Variants in LRMDA observed in about 807,000 individuals in gnomAD.
The protein encoded by LRMDA is leucine rich melanocyte differentiation associated.
Under a neutral mutation model 29.8 loss-of-function variants are expected in LRMDA, and 18 were observed. That is an observed-to-expected ratio of 0.60 (90% CI 0.42 to 0.90). The LOEUF (loss-of-function observed/expected upper bound fraction) is 0.90, where lower values mean the gene tolerates loss of function less well. Ranked by LOEUF, LRMDA falls within the 40% of genes least tolerant of loss-of-function variation. The pLI, the probability that LRMDA is intolerant of heterozygous loss-of-function variation, is 0.00. For missense variants in LRMDA, 273 were observed against 273.9 expected (o/e 1.00, Z 0.02); for synonymous variants, 125 against 109.4 (o/e 1.14, Z -0.89).
At chr10:75,709,638 G>A (rs1363596831) in intron 2 of LRMDA, among the ~76,000 whole-genome samples, 7 of 152,144 alleles carry the variant, frequency 4.6e-5, no homozygotes, top group Admixed American at 4.6e-4. Context: ...CCTTCTCAGT[G>A]GCAGTGCTAA....
chr10:75,962,103 G>A (rs533894024), intron 2 of LRMDA, among the ~76,000 whole-genome samples: 1 of 152,252 alleles, frequency 6.6e-6, no homozygotes, highest in African/African-American at 2.4e-5. Flanking sequence ...ATCTGCAATG[G>A]CCCTAATTTC....
intron 2 of LRMDA, among the ~76,000 whole-genome samples, chr10:75,830,247 G>A (rs899688644): frequency 2.6e-5 from 4 of 152,102 alleles, no homozygotes; most frequent in Admixed American, 1.3e-4. Context: ...TGGTCATTTC[G>A]CATTATTCTG....
chr10:75,689,210 A>G (rs1842116567), intron 2 of LRMDA, among the ~76,000 whole-genome samples: 1 of 152,208 alleles, frequency 6.6e-6, no homozygotes, highest in Admixed American at 6.5e-5. Context: ...ATAGGAAATC[A>G]CTTCTTATTC....
At chr10:75,720,096 C>T (rs1842547731) in intron 2 of LRMDA, among the ~76,000 whole-genome samples, 1 of 152,204 alleles carries the variant, frequency 6.6e-6, no homozygotes, top group Non-Finnish European at 1.5e-5. Flanking sequence ...TACCATACAT[C>T]ATACTCTAAG....
At chr10:75,671,801 C>A (rs559378320) in intron 2 of LRMDA, among the ~76,000 whole-genome samples, 196 of 152,200 alleles carry the variant, frequency 1.3e-3, no homozygotes, top group African/African-American at 4.4e-3. Context: ...ATTAAAAAAA[C>A]CCCTAAGCCC....
At chr10:75,672,354 A>G (rs933124908) in intron 2 of LRMDA, among the ~76,000 whole-genome samples, 2 of 151,802 alleles carry the variant, frequency 1.3e-5, no homozygotes, top group Non-Finnish European at 2.9e-5. Flanking sequence ...GGAAGTGACA[A>G]TAATGACTCA....
intron 2 of LRMDA, among the ~76,000 whole-genome samples, chr10:75,554,503 C>T (rs1412234088): frequency 3.3e-5 from 5 of 152,192 alleles, no homozygotes; most frequent in Non-Finnish European, 5.9e-5. Flanking sequence ...TTTAGCCCCT[C>T]CTCTGTGCTA....
rs893172544 is a variant in LRMDA, at chr10:76,409,057, A to G, written c.601+84572A>G. Among the ~76,000 whole-genome samples, 4 of 152,296 alleles carry G rather than the reference A, an allele frequency of 2.6e-5. No individual in the cohort carries two copies. The South Asian group carries it at 6.2e-4, about 24-fold the overall frequency. On this transcript the variant is annotated intron_variant, in intron 6 of 6. Coordinates refer to ENST00000611255, the MANE Select transcript of LRMDA (RefSeq NM_001305581.2). ...CATCTGGAGACTCCAAGGAGGCCCT[A>G]TGGTTCAGTCTACTTTCTTTCAGTT...
At chr10:75,710,134 C>G (rs1476713646) in intron 2 of LRMDA, among the ~76,000 whole-genome samples, 2 of 152,120 alleles carry the variant, frequency 1.3e-5, no homozygotes, top group Non-Finnish European at 2.9e-5. Flanking sequence ...AGAAGAGAAA[C>G]CGAGGGAGCA....
rs1439162367 is a variant in LRMDA at position 75,514,162 on chromosome 10, CTGTT to C, written c.131+75670_131+75673del. Among the ~76,000 whole-genome samples the C allele has an allele frequency of 5.1e-5, 5 of 98,170 alleles. No homozygotes were observed. The Admixed American group carries it at 7.3e-4, about 14-fold the overall frequency. 64.4% of individuals were successfully genotyped at this position (98,170 alleles called of 152,430 possible). ...AGATTCAAAGGCAGTCCTCCTTTAC[CTGTT>C]TTTTTTTTTTTTTTCCTTTCTTCTT... On this transcript the variant is annotated intron_variant, in intron 2 of 6. Transcript: ENST00000611255.
At chr10:76,329,772 C>T (rs1251517950) in intron 6 of LRMDA, among the ~76,000 whole-genome samples, 2 of 152,062 alleles carry the variant, frequency 1.3e-5, no homozygotes, top group East Asian at 3.9e-4. Flanking sequence ...ATTGATTTTT[C>T]TGTATATCTC....
At chr10:75,458,879 T>A (rs1844551808) in intron 2 of LRMDA, among the ~76,000 whole-genome samples, 2 of 152,202 alleles carry the variant, frequency 1.3e-5, no homozygotes, top group South Asian at 4.1e-4. Context: ...GCGGCTATTT[T>A]TACAACCATA....
chr10:75,562,378 T>C (rs9416069), intron 2 of LRMDA, among the ~76,000 whole-genome samples: 90,586 of 151,330 alleles, frequency 0.6, 30,714 homozygotes, highest in East Asian at 0.85. Flanking sequence ...GTTTTCCATT[T>C]GCTTGGTAGA....
intron 2 of LRMDA, among the ~76,000 whole-genome samples, chr10:76,009,221 C>T (rs920115520): frequency 6.6e-6 from 1 of 152,200 alleles, no homozygotes; most frequent in Non-Finnish European, 1.5e-5. Context: ...GGTGCTCCCA[C>T]TAGCCCCCTC....
intron 5 of LRMDA, among the ~76,000 whole-genome samples, chr10:76,099,203 G>A (rs946995035): frequency 6.6e-6 from 1 of 152,124 alleles, no homozygotes; most frequent in Non-Finnish European, 1.5e-5. Context: ...TTCAAGAAAG[G>A]TCTGTTATTG....
rs78730792 is a variant in LRMDA, at chr10:75,984,633, A to T, written c.132-51375A>T. On this transcript the variant is annotated intron_variant, in intron 2 of 6. Transcript: ENST00000611255. ...AAGGGACCGCATCATCCTACATAAGATCAGCGCATGTCACAGCCAGGCAGA... is the reference window on the plus strand; with the variant it reads ...AAGGGACCGCATCATCCTACATAAGTTCAGCGCATGTCACAGCCAGGCAGA... Among the ~76,000 whole-genome samples, 1,381 of 152,328 alleles carry T rather than the reference A, an allele frequency of 9.1e-3. 28 individuals are homozygous for T. Among genetic ancestry groups the T allele is most frequent in the African/African-American group, 0.029 (1,209 of 41,584 alleles).
Position 76,542,197 on chromosome 10 carries a change from C to T in LRMDA, c.602-15012C>T, listed in dbSNP as rs372637680. On this transcript the variant is annotated intron_variant, in intron 6 of 6. Transcript: ENST00000611255. Reference sequence around the variant, plus strand: ...CCACATCCTGGGCTTTTAGGTGCTGCGGATTATGTATAATAGATGACCTGC... The same window carrying T: ...CCACATCCTGGGCTTTTAGGTGCTGTGGATTATGTATAATAGATGACCTGC... 3.3e-5 allele frequency among the ~76,000 whole-genome samples: 5 copies of T among 152,088 alleles called. 1 individual carries two copies. The highest frequency in any genetic ancestry group is 1.9e-4 in the East Asian group (1 of 5,180).
Position 75,831,676 on chromosome 10 carries a change from T to C in LRMDA, c.132-204332T>C, listed in dbSNP as rs552235449. ...ACATTTCCTGGCCACATTGCCCTAG[T>C]AGAGGTTCTCCATGAGCTCCCCACC... is the stretch of plus-strand genomic sequence containing the variant. On this transcript the variant is annotated intron_variant, in intron 2 of 6. Transcript: ENST00000611255. 3.5e-4 allele frequency among the ~76,000 whole-genome samples: 54 copies of C among 152,308 alleles called. No homozygotes were observed. In the South Asian group the frequency reaches 0.011, roughly 32 times the overall value.
intron 2 of LRMDA, among the ~76,000 whole-genome samples, chr10:75,971,185 C>A (rs1473516866): frequency 1.3e-5 from 2 of 152,178 alleles, no homozygotes; most frequent in Non-Finnish European, 2.9e-5. Flanking sequence ...TCACATTGGT[C>A]TGTTTTCTCC....
Sources: gnomAD v4.1 joint callset for allele counts (sites outside exome capture counted in the v4.1 genomes callset) on GRCh38, gnomAD v4.1.1 for gene constraint, MANE v1.5 for transcripts, NCBI Gene and HGNC (gene_info 2026-07-23, HGNC 2026-07-21) for gene names.